Variants in MAGI2 observed in about 807,000 individuals in gnomAD.
MAGI2 encodes the protein membrane-associated guanylate kinase, WW and PDZ domain-containing protein 2.
A neutral mutation model predicts 133.3 loss-of-function variants in MAGI2; 35 were observed. The observed-to-expected ratio is 0.26, with a 90% CI of 0.20 to 0.35. The LOEUF (loss-of-function observed/expected upper bound fraction) is 0.35, where lower values mean the gene tolerates loss of function less well. Among genes scored for constraint, MAGI2 ranks in the 10% least tolerant of loss-of-function variants. MAGI2 has a pLI of 1.00. For synonymous variants in MAGI2, 729 were observed against 710.6 expected (o/e 1.03, Z -0.41); for missense variants, 1,636 against 1,863.4 (o/e 0.88, Z 2.25).
chr7:78,772,425 T>G (rs1825668342), intron 2 of MAGI2, among the ~76,000 whole-genome samples: 1 of 152,204 alleles, frequency 6.6e-6, no homozygotes. Context: ...TTCAGGAGCA[T>G]GATGATACTG....
At chr7:78,587,124 G>A (rs1368840666) in intron 3 of MAGI2, among the ~76,000 whole-genome samples, 1 of 152,160 alleles carries the variant, frequency 6.6e-6, no homozygotes, top group Non-Finnish European at 1.5e-5. Context: ...TTGTTTGACA[G>A]TTCTATTTTT....
intron 2 of MAGI2, among the ~76,000 whole-genome samples, chr7:78,640,781 C>T (rs1810209719): frequency 6.6e-6 from 1 of 152,190 alleles, no homozygotes; most frequent in Admixed American, 6.5e-5. Flanking sequence ...GCAGAGCATC[C>T]TGTATTTGAA....
intron 2 of MAGI2, among the ~76,000 whole-genome samples, chr7:78,634,364 A>G (rs77969979): frequency 2.5e-4 from 38 of 152,326 alleles, no homozygotes; most frequent in African/African-American, 8.7e-4. Context: ...AGGTCATTTA[A>G]TTTTACCTGC....
At chr7:79,417,044 T>C (rs548195803) in intron 1 of MAGI2, among the ~76,000 whole-genome samples, 1 of 152,178 alleles carries the variant, frequency 6.6e-6, no homozygotes, top group African/African-American at 2.4e-5. Context: ...TTCTTTCTAC[T>C]TGTGCATGTG....
chr7:79,064,210 C>G (rs1814079209), intron 1 of MAGI2, among the ~76,000 whole-genome samples: 1 of 151,964 alleles, frequency 6.6e-6, no homozygotes, highest in African/African-American at 2.4e-5. Flanking sequence ...TGCTGAAGAT[C>G]TAGTGGTAAA....
intron 20 of MAGI2, among the ~76,000 whole-genome samples, chr7:78,122,275 T>A (rs989489075): frequency 2.6e-5 from 4 of 152,236 alleles, no homozygotes; most frequent in African/African-American, 9.6e-5. Context: ...TAAATCGTTT[T>A]ATGTTTAATA....
intron 20 of MAGI2, among the ~76,000 whole-genome samples, chr7:78,102,006 A>G (rs1265885467): frequency 6.6e-6 from 1 of 152,216 alleles, no homozygotes; most frequent in Non-Finnish European, 1.5e-5. Context: ...GAATATATAT[A>G]TGAATGTAAC....
chr7:79,164,657 G>A (rs1056823870), intron 1 of MAGI2, among the ~76,000 whole-genome samples: 2 of 151,912 alleles, frequency 1.3e-5, no homozygotes, highest in Non-Finnish European at 2.9e-5. Context: ...TCAACCAGTT[G>A]TCAACCAGAA....
intron 2 of MAGI2, among the ~76,000 whole-genome samples, chr7:78,793,122 C>A (rs1268581675): frequency 1.3e-5 from 2 of 152,194 alleles, no homozygotes; most frequent in African/African-American, 4.8e-5. Context: ...CACATCCTTT[C>A]TTTTTCCCTT....
intron 2 of MAGI2, among the ~76,000 whole-genome samples, chr7:78,751,236 C>T (rs1170588765): frequency 6.6e-6 from 1 of 152,018 alleles, no homozygotes; most frequent in African/African-American, 2.4e-5. Context: ...AAAGTATTTC[C>T]CCAAAAGCAC....
At chr7:78,667,759 A>C (rs1353050972) in intron 2 of MAGI2, among the ~76,000 whole-genome samples, 1 of 151,954 alleles carries the variant, frequency 6.6e-6, no homozygotes, top group African/African-American at 2.4e-5. Context: ...CATGGTGTAT[A>C]TGTGCCACAT....
intron 21 of MAGI2, among the ~76,000 whole-genome samples, chr7:78,046,873 G>A (rs961623029): frequency 5.3e-5 from 8 of 152,120 alleles, no homozygotes; most frequent in Non-Finnish European, 7.3e-5. Flanking sequence ...ATAAGTATGC[G>A]AATAAAATGT....
chr7:79,360,320 A>T (rs1174641643), intron 1 of MAGI2, among the ~76,000 whole-genome samples: 4 of 152,166 alleles, frequency 2.6e-5, no homozygotes, highest in Non-Finnish European at 5.9e-5. Flanking sequence ...CTGCAGCTGC[A>T]AGTTCCTCTG....
At chr7:79,290,561 T>C (rs1256131170) in intron 1 of MAGI2, among the ~76,000 whole-genome samples, 2 of 152,000 alleles carry the variant, frequency 1.3e-5, no homozygotes, top group Non-Finnish European at 2.9e-5. Flanking sequence ...TCAAATTTGC[T>C]TTCCCTCATT....
chr7:78,785,031 G>C (rs761657850), intron 2 of MAGI2, among the ~76,000 whole-genome samples: 7 of 152,174 alleles, frequency 4.6e-5, no homozygotes, highest in Non-Finnish European at 8.8e-5. Flanking sequence ...TATATGTGAA[G>C]TTATTAGGGG....
intron 1 of MAGI2, among the ~76,000 whole-genome samples, chr7:79,027,822 T>TA (rs931773065): frequency 6.6e-6 from 1 of 152,026 alleles, no homozygotes; most frequent in Non-Finnish European, 1.5e-5. Context: ...TAGAATAATT[T>TA]AAAAAAAATC....
At chr7:78,532,099 C>T (rs1797519169) in intron 3 of MAGI2, among the ~76,000 whole-genome samples, 1 of 152,158 alleles carries the variant, frequency 6.6e-6, no homozygotes, top group Admixed American at 6.5e-5. Context: ...CCTTAAATGA[C>T]TGTGAACCGG....
At chr7:79,250,747 C>T (rs13225084) in intron 1 of MAGI2, among the ~76,000 whole-genome samples, 1 of 151,956 alleles carries the variant, frequency 6.6e-6, no homozygotes, top group Non-Finnish European at 1.5e-5. Context: ...AAAAAAAATA[C>T]TAACAGTTAC....
intron 9 of MAGI2, among the ~76,000 whole-genome samples, chr7:78,282,421 C>T (rs2151015764): frequency 6.6e-6 from 1 of 152,206 alleles, no homozygotes; most frequent in South Asian, 2.1e-4. Flanking sequence ...TTGGGACAGC[C>T]AACGTCATGT....
Sources: allele counts gnomAD v4.1 joint callset (sites outside exome capture counted in the v4.1 genomes callset), GRCh38; gene constraint gnomAD v4.1.1; transcripts MANE v1.5; gene names NCBI Gene and HGNC (gene_info 2026-07-23, HGNC 2026-07-21).